The following CSF1R variants were observed in gnomAD, a reference collection of about 807,000 sequenced individuals.
CSF1R encodes macrophage colony-stimulating factor 1 receptor.
A neutral mutation model predicts 110.0 loss-of-function variants in CSF1R; 40 were observed. That is an observed-to-expected ratio of 0.36 (90% CI 0.28 to 0.47). CSF1R has a LOEUF of 0.47. Ranked by LOEUF, CSF1R falls within the 20% of genes least tolerant of loss-of-function variation. The pLI, the probability that CSF1R is intolerant of heterozygous loss-of-function variation, is 0.99. For missense variants in CSF1R, 1,052 were observed against 1,253.0 expected (o/e 0.84, Z 2.42); for synonymous variants, 523 against 503.4 (o/e 1.04, Z -0.52).
chr5:150,085,915 C>T (rs370304078), intron 1 of CSF1R, among the ~76,000 whole-genome samples: 4 of 151,786 alleles, frequency 2.6e-5, no homozygotes, highest in South Asian at 2.1e-4. Flanking sequence ...CGGCATCTCA[C>T]ATCTCCCAGG....
chr5:150,058,828 C>A (rs1757369631), intron 14 of CSF1R, among the ~76,000 whole-genome samples: 1 of 151,996 alleles, frequency 6.6e-6, no homozygotes. Flanking sequence ...CCCACAAGCC[C>A]CTGAGACAGA....
Position 150,053,663 on chromosome 5 carries a change from T to A in CSF1R, c.*406A>T, listed in dbSNP as rs11546510. ...CCTCTCAGAGAGGGAGATCTCACTCTCTGCCAGTCTGTCTAGCCCCAAAGA... is the reference window on the plus strand; with the variant it reads ...CCTCTCAGAGAGGGAGATCTCACTCACTGCCAGTCTGTCTAGCCCCAAAGA... On this transcript the variant is annotated 3_prime_UTR_variant, in exon 21 of 21. Coordinates refer to ENST00000675795, the MANE Select transcript of CSF1R (RefSeq NM_001288705.3). The A allele has an allele frequency of 3.4e-6, 1 of 296,738 alleles. No homozygotes were observed. Among genetic ancestry groups the A allele is most frequent in the Non-Finnish European group, 6.4e-6 (1 of 156,890 alleles). 18.4% of individuals were successfully genotyped at this position (296,738 alleles called of 1,614,324 possible). A position where few individuals can be genotyped will look rare whatever the true frequency, so the allele number is the denominator to read the frequency against.
At chr5:150,078,323 T>A in intron 3 of CSF1R, 75 bp from the exon 4 acceptor site, 5 of 1,560,908 alleles carry the variant, frequency 3.2e-6, no homozygotes, top group Non-Finnish European at 4.3e-6. Context: ...CTCCCTGCCA[T>A]GGGCCAGGAC....
At position 150,081,023 on chromosome 5, in the gene CSF1R, A is replaced by T. The variant is rs1378194827; in HGVS notation, c.51T>A (p.Gly17=). The T allele has an allele frequency of 6.2e-7, 1 of 1,613,740 alleles. No individual in the cohort carries two copies. The highest frequency in any genetic ancestry group is 8.5e-7 in the Non-Finnish European group (1 of 1,179,754). Reference sequence around the variant, plus strand: ...TGGGCTCTATCACTGGGATTCCCTGACCTGGTGGGAGAGAGGGACAGCAGA... The same window carrying T: ...TGGGCTCTATCACTGGGATTCCCTGTCCTGGTGGGAGAGAGGGACAGCAGA... ...LLLLVATAWH[G]QGIPVIEPSV... is the part of the protein sequence containing the mutation. The change falls in exon 2 of 21, where the codon GGT becomes GGA. Residue 17 remains glycine, a splice_region_variant and synonymous_variant. Transcript: ENST00000675795.
At position 150,053,834 on chromosome 5, in the gene CSF1R, GA is replaced by G. The variant is rs376905470; in HGVS notation, c.*234del. ...GGCCAACACCATGAGAACAGTAGGG[GA>G]GGGGGGGGTGAGGGCTCAGCCCCCA... On this transcript the variant is annotated 3_prime_UTR_variant, in exon 21 of 21. Transcript: ENST00000675795. 4,608 of 537,122 alleles carry G rather than the reference GA, an allele frequency of 8.6e-3. 174 individuals are homozygous for G. In the African/African-American group the frequency reaches 0.094, roughly 11 times the overall value. 33.3% of individuals were successfully genotyped at this position (537,122 alleles called of 1,614,324 possible).
intron 1 of CSF1R, among the ~76,000 whole-genome samples, chr5:150,104,325 G>A (rs1028491906): frequency 6.6e-6 from 1 of 152,256 alleles, no homozygotes; most frequent in Non-Finnish European, 1.5e-5. Flanking sequence ...ACCTTGGCAG[G>A]ACCTGTCTCT....
chr5:150,088,045 T>G (rs1758912872), upstream of CSF1R, among the ~76,000 whole-genome samples: 1 of 152,212 alleles, frequency 6.6e-6, no homozygotes, highest in South Asian at 2.1e-4. Context: ...CTAAAGTTCC[T>G]TCTTGAAATT....
rs372247820 is a variant in CSF1R, at chr5:150,100,290, C to T, written c.-181+12971G>A. 3.4e-3 allele frequency among the ~76,000 whole-genome samples: 304 copies of T among 89,366 alleles called. 23 individuals are homozygous for T. The highest frequency in any genetic ancestry group is 0.014 in the Middle Eastern group (1 of 70). 58.6% of individuals were successfully genotyped at this position (89,366 alleles called of 152,430 possible). ...AGTGAACCTAAGATCATTGGCTAAC[C>T]TTTTTTTTTTTTTTTTTTTTTTTCT... is the stretch of plus-strand genomic sequence containing the variant. On this transcript the variant is annotated intron_variant, in intron 1 of 21. Transcript: ENST00000286301.
intron 14 of CSF1R, among the ~76,000 whole-genome samples, chr5:150,059,492 C>T (rs1757402936): frequency 6.6e-6 from 1 of 152,166 alleles, no homozygotes. Flanking sequence ...GGTAGGTGTT[C>T]AAATATTTGT....
At chr5:150,088,421 G>C (rs996617966), upstream of CSF1R, among the ~76,000 whole-genome samples, 3 of 152,042 alleles carry the variant, frequency 2.0e-5, no homozygotes, top group African/African-American at 4.8e-5. Context: ...TGGTACCAAA[G>C]CTAGACCAAG....
chr5:150,083,881 C>T (rs1758679228), intron 1 of CSF1R, among the ~76,000 whole-genome samples: 1 of 152,172 alleles, frequency 6.6e-6, no homozygotes, highest in South Asian at 2.1e-4. Context: ...TCTTTTGCAA[C>T]ATGTGGATTA....
rs765985842 is a variant in CSF1R, at chr5:150,086,443, G to C, written c.-16C>G. 6.2e-7 allele frequency: 1 copy of C among 1,605,814 alleles called. No individual in the cohort carries two copies. Among genetic ancestry groups the C allele is most frequent in the South Asian group, 1.1e-5 (1 of 88,880 alleles). On this transcript the variant is annotated 5_prime_UTR_variant, in exon 1 of 21. Coordinates refer to ENST00000675795, the MANE Select transcript of CSF1R (RefSeq NM_001288705.3). ...CTGGGCCCATGGCCTCGGTGGGGAA[G>C]TGGCAGGCAGGTGCAGGGCTGCAAG...
intron 10 of CSF1R, among the ~76,000 whole-genome samples, chr5:150,065,705 A>C (rs891322607): frequency 2.6e-5 from 4 of 152,196 alleles, no homozygotes; most frequent in African/African-American, 9.6e-5. Context: ...CCTGGAGCTA[A>C]AGGGTCTGTG....
At chr5:150,082,277 T>C (rs1018040167) in intron 1 of CSF1R, among the ~76,000 whole-genome samples, 1 of 152,220 alleles carries the variant, frequency 6.6e-6, no homozygotes, top group African/African-American at 2.4e-5. Flanking sequence ...GGTATCTCCA[T>C]TGTTCTCTGC....
intron 1 of CSF1R, among the ~76,000 whole-genome samples, chr5:150,084,506 G>T (rs1758742859): frequency 6.6e-6 from 1 of 151,394 alleles, no homozygotes; most frequent in Non-Finnish European, 1.5e-5. Flanking sequence ...AGGCTGGAGT[G>T]CAGTGGCATG....
At chr5:150,090,965 C>T (rs538997711), upstream of CSF1R, among the ~76,000 whole-genome samples, 7 of 152,108 alleles carry the variant, frequency 4.6e-5, no homozygotes, top group South Asian at 1.2e-3. Context: ...CATCTACTCC[C>T]GAGTCTAAAA....
intron 3 of CSF1R, among the ~76,000 whole-genome samples, chr5:150,078,647 GAAGTCA>G (rs1401097702): frequency 6.6e-6 from 1 of 152,174 alleles, no homozygotes; most frequent in African/African-American, 2.4e-5. Flanking sequence ...TCTCAGAAAA[GAAGTCA>G]AAGTCCTTCC....
At chr5:150,095,554 GA>G (rs1759194552) in intron 1 of CSF1R, among the ~76,000 whole-genome samples, 1 of 151,786 alleles carries the variant, frequency 6.6e-6, no homozygotes, top group Non-Finnish European at 1.5e-5. Flanking sequence ...TGAAAAATTA[GA>G]AAATATTTTG....
In CSF1R at chr5:150,105,378, ATATATATTTT is replaced by A. The variant is rs1317723386; in HGVS notation, c.-181+7873_-181+7882del. Among the ~76,000 whole-genome samples the A allele has an allele frequency of 8.9e-3, 804 of 89,864 alleles. 1 individual carries two copies. Among genetic ancestry groups the A allele is most frequent in the Non-Finnish European group, 0.013 (567 of 45,196 alleles). 59.0% of individuals were successfully genotyped at this position (89,864 alleles called of 152,430 possible). A position where few individuals can be genotyped will look rare whatever the true frequency, so the allele number is the denominator to read the frequency against. The stretch of plus-strand genomic sequence containing the variant: ...AAAAAAAAAAAATATATATATATAT[ATATATATTTT>A]TTTTTTTTTAATAGAGGCGGGGTTA... On this transcript the variant is annotated intron_variant, in intron 1 of 21. Coordinates refer to the CSF1R transcript ENST00000286301.
Sources: allele counts gnomAD v4.1 joint callset (sites outside exome capture counted in the v4.1 genomes callset), GRCh38; gene constraint gnomAD v4.1.1; transcripts MANE v1.5; gene names NCBI Gene and HGNC (gene_info 2026-07-23, HGNC 2026-07-21).